Variants in AXDND1 observed in about 807,000 individuals in gnomAD.
AXDND1 encodes axonemal dynein light chain domain containing 1.
AXDND1 carries 110 observed loss-of-function variants against 137.5 expected under a neutral mutation model. That is an observed-to-expected ratio of 0.80 (90% CI 0.69 to 0.94). AXDND1 has a LOEUF of 0.94. AXDND1 is among the 40% of genes least tolerant of loss of function. The pLI is 0.00. For synonymous variants in AXDND1, 414 were observed against 399.7 expected (o/e 1.04, Z -0.43); for missense variants, 1,191 against 1,169.8 (o/e 1.02, Z -0.26).
At position 179,533,812 on chromosome 1, in the gene AXDND1, A is replaced by G. The variant is rs778978816; in HGVS notation, c.2733A>G (p.Gln911=). Residue 911 remains glutamine, a synonymous_variant, in exon 24 of 26, where the codon CAA becomes CAG. Transcript: ENST00000367618. ...VLSSWRESAK[Q]GTLAQKYLEA... Reference sequence around the variant, plus strand: ...TCTGTCAGAGAGAGTCAGCTAAGCAAGGTACATTGGCCCAAAAATATCTTG... The same window carrying G: ...TCTGTCAGAGAGAGTCAGCTAAGCAGGGTACATTGGCCCAAAAATATCTTG... 1 of 1,612,742 alleles carries G rather than the reference A, an allele frequency of 6.2e-7. No individual in the cohort carries two copies. The highest frequency in any genetic ancestry group is 1.1e-5 in the South Asian group (1 of 91,032).
chr1:179,440,748 C>T (rs551319319), intron 15 of AXDND1, among the ~76,000 whole-genome samples: 11 of 152,254 alleles, frequency 7.2e-5, no homozygotes, highest in African/African-American at 1.7e-4. Flanking sequence ...TGCACGAGAG[C>T]GAATAACTTG....
At chr1:179,549,963 G>A (rs1673043494) in intron 25 of AXDND1, among the ~76,000 whole-genome samples, 1 of 151,948 alleles carries the variant, frequency 6.6e-6, no homozygotes, top group Admixed American at 6.6e-5. Flanking sequence ...TGCTTCATCA[G>A]TGTTTGCTTT....
At chr1:179,501,218 A>T (rs1667965737) in intron 20 of AXDND1, among the ~76,000 whole-genome samples, 1 of 152,334 alleles carries the variant, frequency 6.6e-6, no homozygotes, top group South Asian at 2.1e-4. Flanking sequence ...AAGAATAGCT[A>T]ACACACTTTT....
intron 12 of AXDND1, among the ~76,000 whole-genome samples, chr1:179,426,751 A>G (rs1158055670): frequency 6.6e-6 from 1 of 152,258 alleles, no homozygotes; most frequent in Non-Finnish European, 1.5e-5. Context: ...CATTTAAAAG[A>G]ATGTTGTAGA....
intron 9 of AXDND1, among the ~76,000 whole-genome samples, chr1:179,390,965 C>G (rs529330085): frequency 6.6e-6 from 1 of 152,000 alleles, no homozygotes; most frequent in Non-Finnish European, 1.5e-5. Context: ...CACCATGACA[C>G]CTGGCTAATT....
chr1:179,463,875 G>C (rs572216340), intron 16 of AXDND1, among the ~76,000 whole-genome samples: 60 of 151,710 alleles, frequency 4.0e-4, no homozygotes, highest in African/African-American at 1.4e-3. Context: ...ATTATGTAAT[G>C]GCCTTCTTTG....
chr1:179,424,025 G>A (rs999913066), intron 12 of AXDND1, among the ~76,000 whole-genome samples: 5 of 152,100 alleles, frequency 3.3e-5, no homozygotes, highest in African/African-American at 1.2e-4. Context: ...TTTCTTGTAA[G>A]AGAGGTCTGG....
At chr1:179,403,409 C>T (rs1462540806) in intron 11 of AXDND1, among the ~76,000 whole-genome samples, 1 of 152,140 alleles carries the variant, frequency 6.6e-6, no homozygotes, top group Non-Finnish European at 1.5e-5. Flanking sequence ...GTTGTACTTT[C>T]AGCATTACTA....
chr1:179,470,242 A>C (rs994443973), intron 17 of AXDND1, among the ~76,000 whole-genome samples: 3 of 152,136 alleles, frequency 2.0e-5, no homozygotes, highest in Non-Finnish European at 4.4e-5. Flanking sequence ...AAGGAATGGG[A>C]AATGTGAGTC....
chr1:179,524,732 T>G (rs1670379514), intron 21 of AXDND1, among the ~76,000 whole-genome samples: 1 of 152,350 alleles, frequency 6.6e-6, no homozygotes, highest in African/African-American at 2.4e-5. Flanking sequence ...AGCCACTGTT[T>G]TGTTCACGCT....
At chr1:179,384,367 C>G (rs1648867759) in intron 8 of AXDND1, among the ~76,000 whole-genome samples, 1 of 152,122 alleles carries the variant, frequency 6.6e-6, no homozygotes, top group Non-Finnish European at 1.5e-5. Context: ...CAAGGACATT[C>G]TCTTATATAT....
At chr1:179,513,212 G>A (rs1669215352) in intron 21 of AXDND1, among the ~76,000 whole-genome samples, 1 of 152,140 alleles carries the variant, frequency 6.6e-6, no homozygotes, top group Non-Finnish European at 1.5e-5. Flanking sequence ...GCCATAGATG[G>A]CTTTTAATAC....
intron 20 of AXDND1, among the ~76,000 whole-genome samples, chr1:179,500,889 C>G (rs1015492159): frequency 7.2e-5 from 11 of 151,886 alleles, no homozygotes; most frequent in African/African-American, 2.2e-4. Flanking sequence ...CCAGGCTGGT[C>G]TTGAACTCCT....
At chr1:179,369,873 G>A in intron 3 of AXDND1, 102 bp from the exon 4 acceptor site, 1 of 750,910 alleles carries the variant, frequency 1.3e-6, no homozygotes, top group Non-Finnish European at 2.2e-6. Flanking sequence ...GAGTACCCAA[G>A]TGCCCTTAAT....
chr1:179,519,929 C>G lies in AXDND1; in HGVS notation c.2497-5405C>G, dbSNP rs150572349. On this transcript the variant is annotated intron_variant, in intron 21 of 25. Transcript: ENST00000367618. Reference sequence around the variant, plus strand: ...TTTTTTCTAGTTCTGTGAAGAATGTCAATGGTAGTTTGATAGGAATAGCAT... The same window carrying G: ...TTTTTTCTAGTTCTGTGAAGAATGTGAATGGTAGTTTGATAGGAATAGCAT... Among the ~76,000 whole-genome samples, 4 of 152,206 alleles carry G rather than the reference C, an allele frequency of 2.6e-5. No homozygotes were observed. In the East Asian group the frequency reaches 7.7e-4, roughly 29 times the overall value.
In AXDND1 at chr1:179,468,431, T is replaced by C; in HGVS notation, c.1799-12T>C. ...ATATTTCTAAAAGTTAATGCTTTTC[T>C]TACTTTTCTAGGTTACTCCAAAATT... On this transcript the variant is annotated splice_polypyrimidine_tract_variant and intron_variant, in intron 16 of 25. Coordinates refer to ENST00000367618, the MANE Select transcript of AXDND1 (RefSeq NM_144696.6). 6.4e-7 allele frequency: 1 copy of C among 1,561,834 alleles called. No individual in the cohort carries two copies. Among genetic ancestry groups the C allele is most frequent in the Non-Finnish European group, 8.7e-7 (1 of 1,146,024 alleles).
At chr1:179,492,523 T>C (rs1308522081) in intron 19 of AXDND1, among the ~76,000 whole-genome samples, 1 of 152,158 alleles carries the variant, frequency 6.6e-6, no homozygotes, top group Admixed American at 6.5e-5. Context: ...TGGAAAATTG[T>C]AATCTATTAA....
chr1:179,418,624 C>A (rs1277457563), intron 12 of AXDND1, among the ~76,000 whole-genome samples: 2 of 149,076 alleles, frequency 1.3e-5, no homozygotes, highest in African/African-American at 5.0e-5. Context: ...GGGGGCTGAC[C>A]CCCGCACCTC....
intron 15 of AXDND1, among the ~76,000 whole-genome samples, chr1:179,436,899 T>C (rs1486750106): frequency 6.6e-6 from 1 of 151,812 alleles, no homozygotes; most frequent in Non-Finnish European, 1.5e-5. Flanking sequence ...TCGGTAGATA[T>C]CAGCTTTACA....
Sources: allele counts gnomAD v4.1 joint callset (sites outside exome capture counted in the v4.1 genomes callset), GRCh38; gene constraint gnomAD v4.1.1; transcripts MANE v1.5; gene names NCBI Gene and HGNC (gene_info 2026-07-23, HGNC 2026-07-21).